Variants in SEPTIN7 observed in about 807,000 individuals in gnomAD.
SEPTIN7 encodes septin 7.
Under a neutral mutation model 63.3 loss-of-function variants are expected in SEPTIN7, and 10 were observed. That is an observed-to-expected ratio of 0.16 (90% confidence interval 0.10 to 0.27). The LOEUF is 0.27. SEPTIN7 is among the 10% of genes least tolerant of loss of function. The pLI is 1.00. For missense variants in SEPTIN7, 310 were observed against 521.0 expected, an observed-to-expected ratio of 0.59 and a Z score of 3.94; for synonymous variants, 131 against 165.3, an observed-to-expected ratio of 0.79 and a Z score of 1.59.
chr7:35,882,208 T>C (rs1250871274), intron 7 of SEPTIN7, among the ~76,000 whole-genome samples: 1 of 151,966 alleles, frequency 6.6e-6, no homozygotes, highest in African/African-American at 2.4e-5. Flanking sequence ...TCTGGAGTTT[T>C]ACATCCTTTT....
intron 3 of SEPTIN7, chr7:35,847,259 C>G (rs1290383325): frequency 6.3e-6 from 1 of 157,736 alleles, no homozygotes; most frequent in African/African-American, 2.4e-5. Context: ...CTCGAGCCCA[C>G]TGCTCCAGGG....
intron 8 of SEPTIN7, among the ~76,000 whole-genome samples, chr7:35,883,554 C>T (rs965241949): frequency 8.7e-5 from 12 of 138,502 alleles, no homozygotes; most frequent in African/African-American, 2.6e-4. Flanking sequence ...CGCTTTTTTT[C>T]CCCCAAATGC....
chr7:35,841,472 A>T (rs529073605), intron 3 of SEPTIN7, among the ~76,000 whole-genome samples: 1 of 152,184 alleles, frequency 6.6e-6, no homozygotes, highest in East Asian at 1.9e-4. Flanking sequence ...AAACACAGCT[A>T]TCCTTTCTTT....
chr7:35,857,962 G>A (rs1476783282), intron 3 of SEPTIN7, among the ~76,000 whole-genome samples: 3 of 150,984 alleles, frequency 2.0e-5, no homozygotes, highest in Admixed American at 6.6e-5. Flanking sequence ...TTTTTTTTTG[G>A]GACAGAGTCT....
At chr7:35,885,723 G>A in intron 9 of SEPTIN7, 105 bp from the exon 10 acceptor site, 1 of 814,064 alleles carries the variant, frequency 1.2e-6, no homozygotes, top group Non-Finnish European at 2.1e-6. Flanking sequence ...GATCTGTTTT[G>A]CATTTCCTCT....
the SEPTIN7 span, among the ~76,000 whole-genome samples, chr7:35,915,136 C>CATATACACATGTATACATGTGTACGTAT: frequency 1.3e-5 from 2 of 151,156 alleles, no homozygotes; most frequent in African/African-American, 4.9e-5. Flanking sequence ...TATATACATG[C>CATATACACATGTATACATGTGTACGTAT]ATATACACAT....
At chr7:35,841,996 C>T (rs1258533911) in intron 3 of SEPTIN7, among the ~76,000 whole-genome samples, 3 of 152,050 alleles carry the variant, frequency 2.0e-5, no homozygotes, top group South Asian at 4.1e-4. Flanking sequence ...ATAATATCAC[C>T]TTCTGCTTAG....
At chr7:35,835,782 C>G (rs1784054633) in intron 3 of SEPTIN7, among the ~76,000 whole-genome samples, 1 of 152,168 alleles carries the variant, frequency 6.6e-6, no homozygotes. Flanking sequence ...TTGCTATTCT[C>G]CTAGTCATTA....
chr7:35,866,642 A>C (rs1785820761), intron 4 of SEPTIN7, among the ~76,000 whole-genome samples: 1 of 152,216 alleles, frequency 6.6e-6, no homozygotes, highest in Non-Finnish European at 1.5e-5. Flanking sequence ...AGGAATGGGA[A>C]GCTGTGTACA....
In SEPTIN7 at chr7:35,904,373, C is replaced by A; in HGVS notation, c.*80C>A. The A allele has an allele frequency of 2.6e-6, 3 of 1,147,940 alleles. No individual in the cohort carries two copies. The highest frequency in any genetic ancestry group is 1.6e-5 in the African/African-American group (1 of 62,848). The allele number at this position is 1,147,940 out of a possible 1,614,324, so 71.1% of individuals were successfully genotyped here. On this transcript the variant is annotated 3_prime_UTR_variant, in exon 14 of 14. Transcript: ENST00000350320. Reference sequence around the variant, plus strand: ...TCAGTGTTTGTTGGATCCGTTTGACCAATTTGCACCAGTTTTATCCATAAT... The same window carrying A: ...TCAGTGTTTGTTGGATCCGTTTGACAAATTTGCACCAGTTTTATCCATAAT...
chr7:35,875,087 TA>T (rs1786391383), intron 6 of SEPTIN7, among the ~76,000 whole-genome samples: 1 of 152,226 alleles, frequency 6.6e-6, no homozygotes, highest in Admixed American at 6.5e-5. Flanking sequence ...CCAAGTTTAG[TA>T]ATTCTCATGA....
At chr7:35,909,504 T>C (rs1297406349), downstream of SEPTIN7, among the ~76,000 whole-genome samples, 1 of 152,216 alleles carries the variant, frequency 6.6e-6, no homozygotes, top group Non-Finnish European at 1.5e-5. Flanking sequence ...TAAGAACTGA[T>C]GAACTCATCC....
At chr7:35,885,451 G>A (rs1174546242) in intron 9 of SEPTIN7, among the ~76,000 whole-genome samples, 2 of 151,880 alleles carry the variant, frequency 1.3e-5, no homozygotes, top group Non-Finnish European at 2.9e-5. Context: ...TTTCATTTTG[G>A]TTACCTTAAG....
intron 3 of SEPTIN7, among the ~76,000 whole-genome samples, chr7:35,850,452 T>C (rs1784904715): frequency 6.6e-6 from 1 of 152,226 alleles, no homozygotes; most frequent in African/African-American, 2.4e-5. Flanking sequence ...GCTTTCCTCT[T>C]GCCTCTACTC....
At chr7:35,846,498 T>C (rs1359345841) in intron 3 of SEPTIN7, among the ~76,000 whole-genome samples, 1 of 152,290 alleles carries the variant, frequency 6.6e-6, no homozygotes, top group East Asian at 1.9e-4. Flanking sequence ...TGAGTGGAAA[T>C]CTCTTTTATT....
intron 1 of SEPTIN7, among the ~76,000 whole-genome samples, chr7:35,821,628 G>T (rs1189206142): frequency 1.3e-5 from 2 of 152,114 alleles, no homozygotes; most frequent in Non-Finnish European, 2.9e-5. Context: ...GGAATTTGTT[G>T]AATTTAAGAC....
chr7:35,898,241 G>C lies in SEPTIN7; in HGVS notation c.999-7G>C, dbSNP rs753337184. 5.2e-6 allele frequency: 8 copies of C among 1,524,980 alleles called. No homozygotes were observed. Among genetic ancestry groups the C allele is most frequent in the Non-Finnish European group, 7.1e-6 (8 of 1,132,450 alleles). 94.5% of individuals were successfully genotyped at this position (1,524,980 alleles called of 1,614,324 possible). A position where few individuals can be genotyped will look rare whatever the true frequency, so the allele number is the denominator to read the frequency against. On this transcript the variant is annotated splice_region_variant and splice_polypyrimidine_tract_variant and intron_variant, in intron 11 of 13. Coordinates refer to ENST00000350320, the MANE Select transcript of SEPTIN7 (RefSeq NM_001788.6). Reference sequence around the variant, plus strand: ...CATTTAATGATTACCCTTAATATTCGTGACAGGAGCCCTCTGGCACAAATG... The same window carrying C: ...CATTTAATGATTACCCTTAATATTCCTGACAGGAGCCCTCTGGCACAAATG...
At chr7:35,840,520 C>G (rs1784360250) in intron 3 of SEPTIN7, among the ~76,000 whole-genome samples, 1 of 151,850 alleles carries the variant, frequency 6.6e-6, no homozygotes, top group Non-Finnish European at 1.5e-5. Context: ...TAAAGCAGTC[C>G]TCTCTCCTTG....
downstream of SEPTIN7, chr7:35,907,143 G>A (rs1788642321): frequency 1.3e-5 from 2 of 152,174 alleles, no homozygotes. Context: ...CACGTTGGAG[G>A]CCATCGATCT....
Sources: allele counts gnomAD v4.1 joint callset (sites outside exome capture counted in the v4.1 genomes callset), GRCh38; gene constraint gnomAD v4.1.1; transcripts MANE v1.5; gene names NCBI Gene and HGNC (gene_info 2026-07-23, HGNC 2026-07-21).